The following GANC variants were observed in gnomAD, a reference collection of about 807,000 sequenced individuals.
The protein encoded by GANC is glucosidase alpha, neutral C, also known as neutral alpha-glucosidase C.
Under a neutral mutation model 124.2 loss-of-function variants are expected in GANC, and 117 were observed. The observed-to-expected ratio is 0.94, with a 90% CI of 0.81 to 1.10. The LOEUF is 1.10. Ranked by LOEUF, GANC falls within the 50% of genes least tolerant of loss-of-function variation. The pLI, the probability that GANC is intolerant of heterozygous loss-of-function variation, is 0.00. For missense variants in GANC, 1,140 were observed against 1,095.0 expected (o/e 1.04, Z -0.58); for synonymous variants, 377 against 376.8 (o/e 1.00, Z -0.01).
At chr15:42,327,341 A>G (rs536989983) in intron 12 of GANC, 22 bp from the exon 13 acceptor site, 196 of 1,579,728 alleles carry the variant, frequency 1.2e-4, no homozygotes, top group South Asian at 5.7e-4. Flanking sequence ...TTGACAGGCT[A>G]TCTACTGTTC....
intron 4 of GANC, among the ~76,000 whole-genome samples, chr15:42,290,209 A>G (rs774404352): frequency 2.6e-5 from 4 of 152,248 alleles, no homozygotes. Flanking sequence ...AAAGCAGACC[A>G]AGAGGTAGGG....
intron 21 of GANC, 85 bp downstream of exon 21, chr15:42,348,301 G>A (rs2052385408): frequency 1.3e-6 from 1 of 752,718 alleles, no homozygotes; most frequent in South Asian, 1.7e-5. Flanking sequence ...ACGTAAAAGT[G>A]GTGAGCTCCT....
At chr15:42,351,283 C>T (rs749344569) in intron 22 of GANC, 46 bp from the exon 23 acceptor site, 1 of 1,452,646 alleles carries the variant, frequency 6.9e-7, no homozygotes, top group South Asian at 1.2e-5. Flanking sequence ...GTGGCCACTT[C>T]AAACCCCCAT....
At chr15:42,333,427 A>G (rs2052261550) in intron 15 of GANC, among the ~76,000 whole-genome samples, 1 of 152,240 alleles carries the variant, frequency 6.6e-6, no homozygotes, top group South Asian at 2.1e-4. Flanking sequence ...TTGGTAGAAG[A>G]TAGACAAAAA....
chr15:42,293,423 GTTCT>G (rs2051861854), intron 5 of GANC, among the ~76,000 whole-genome samples: 1 of 152,076 alleles, frequency 6.6e-6, no homozygotes, highest in Non-Finnish European at 1.5e-5. Flanking sequence ...TTAGTCTATA[GTTCT>G]TTCTATTTTT....
chr15:42,292,759 A>G lies in GANC; in HGVS notation c.354A>G (p.Thr118=), dbSNP rs759910529. ...GGCTGATTTCATGCTCTGGGGACAC[A>G]GGCAGTCTGATATTGGCAGATGGAA... is the stretch of plus-strand genomic sequence containing the variant. ...TVRLISCSGD[T]GSLILADGKG... is the part of the protein sequence containing the mutation. The change falls in exon 5 of 24, where the codon ACA becomes ACG. Residue 118 remains threonine, a synonymous_variant. Coordinates refer to ENST00000318010, the MANE Select transcript of GANC (RefSeq NM_198141.3). 6.2e-7 allele frequency: 1 copy of G among 1,614,018 alleles called. No individual in the cohort carries two copies. The highest frequency in any genetic ancestry group is 1.1e-5 in the South Asian group (1 of 91,060).
intron 15 of GANC, among the ~76,000 whole-genome samples, chr15:42,333,023 A>AATATATAT (rs3035933): frequency 8.5e-5 from 12 of 140,404 alleles, no homozygotes; most frequent in African/African-American, 1.9e-4. Flanking sequence ...TGTCTCAAAA[A>AATATATAT]ATATATATAT....
intron 6 of GANC, among the ~76,000 whole-genome samples, chr15:42,303,674 A>AAAAG: frequency 6.6e-6 from 1 of 151,326 alleles, no homozygotes; most frequent in African/African-American, 2.4e-5. Flanking sequence ...TACCAAGAAA[A>AAAAG]AAAAAAAAAA....
At chr15:42,278,031 A>T in intron 2 of GANC, 1 of 394,980 alleles carries the variant, frequency 2.5e-6, no homozygotes, top group Non-Finnish European at 5.3e-6. Context: ...ATAGGAAGAA[A>T]AGCGTATTAT....
At chr15:42,284,717 C>T (rs900112912) in intron 3 of GANC, among the ~76,000 whole-genome samples, 6 of 152,168 alleles carry the variant, frequency 3.9e-5, no homozygotes, top group Non-Finnish European at 7.4e-5. Flanking sequence ...TCATGGCACA[C>T]TGTAACCTCA....
At chr15:42,308,772 A>G (rs958505767) in intron 8 of GANC, among the ~76,000 whole-genome samples, 1 of 152,134 alleles carries the variant, frequency 6.6e-6, no homozygotes, top group African/African-American at 2.4e-5. Flanking sequence ...GCAGTGAGCC[A>G]CCGTGCCTGG....
At chr15:42,335,973 C>G (rs76971876) in intron 15 of GANC, among the ~76,000 whole-genome samples, 10,238 of 152,084 alleles carry the variant, frequency 0.067, 745 homozygotes, top group Admixed American at 0.17. Flanking sequence ...AGAGATAACA[C>G]AAGCAAATAG....
At chr15:42,330,714 CT>C (rs531452413) in intron 15 of GANC, 42 bp downstream of exon 15, 983 of 1,270,348 alleles carry the variant, frequency 7.7e-4, no homozygotes, top group Middle Eastern at 7.2e-3. Flanking sequence ...ACATTAGCAA[CT>C]TTTTTTTTAA....
At position 42,341,698 on chromosome 15, in the gene GANC, G is replaced by A. The variant is rs528164459; in HGVS notation, c.2152+944G>A. ...CCCACCTCAGCCTCTCGAGTAGCTG[G>A]ATCACAGGCATGTGCCACTATGCCT... On this transcript the variant is annotated intron_variant, in intron 18 of 23. Coordinates refer to ENST00000318010, the MANE Select transcript of GANC (RefSeq NM_198141.3). Among the ~76,000 whole-genome samples, 5 of 152,160 alleles carry A rather than the reference G, an allele frequency of 3.3e-5. No homozygotes were observed. The South Asian group carries it at 1.0e-3, about 32-fold the overall frequency.
chr15:42,303,381 G>T (rs927691298), intron 6 of GANC, among the ~76,000 whole-genome samples: 1 of 152,124 alleles, frequency 6.6e-6, no homozygotes, highest in Admixed American at 6.6e-5. Context: ...GGAAAAATCA[G>T]CCCTAGCCAC....
At chr15:42,293,364 TAAG>T (rs1389508172) in intron 5 of GANC, among the ~76,000 whole-genome samples, 1 of 152,184 alleles carries the variant, frequency 6.6e-6, no homozygotes, top group Non-Finnish European at 1.5e-5. Context: ...GAGGTGGTGG[TAAG>T]GAGGAGATTC....
At chr15:42,328,228 A>G (rs538245993) in intron 13 of GANC, among the ~76,000 whole-genome samples, 1 of 152,320 alleles carries the variant, frequency 6.6e-6, no homozygotes, top group Admixed American at 6.5e-5. Flanking sequence ...CTAATAAACA[A>G]CTTAGTACAG....
intron 3 of GANC, chr15:42,283,514 G>A: frequency 3.2e-6 from 2 of 630,022 alleles, no homozygotes; most frequent in Non-Finnish European, 5.7e-6. Flanking sequence ...AGCATTGCTA[G>A]CAAGGATGTC....
At chr15:42,330,341 T>C (rs374262592) in intron 14 of GANC, among the ~76,000 whole-genome samples, 58 of 152,328 alleles carry the variant, frequency 3.8e-4, no homozygotes, top group African/African-American at 1.4e-3. Flanking sequence ...AAATGCTAGA[T>C]GATTGTTTAT....
Sources: allele counts gnomAD v4.1 joint callset (sites outside exome capture counted in the v4.1 genomes callset), GRCh38; gene constraint gnomAD v4.1.1; transcripts MANE v1.5; gene names NCBI Gene and HGNC (gene_info 2026-07-23, HGNC 2026-07-21).